CENPC: variants seen among roughly 807,000 people sequenced by gnomAD.
CENPC encodes CENP-C 1.
A neutral mutation model predicts 112.1 loss-of-function variants in CENPC; 63 were observed. The ratio of observed to expected loss-of-function variants is 0.56; its 90% CI spans 0.46 to 0.69. The LOEUF (loss-of-function observed/expected upper bound fraction) is 0.69, where lower values mean the gene tolerates loss of function less well. Ranked by LOEUF, CENPC falls within the 30% of genes least tolerant of loss-of-function variation. CENPC has a pLI of 0.00. For missense variants in CENPC, 1,000 were observed against 1,103.8 expected (o/e 0.91, Z 1.33); for synonymous variants, 333 against 367.6 (o/e 0.91, Z 1.08).
Position 67,514,486 on chromosome 4 carries a change from T to C in CENPC, c.1032A>G (p.Arg344=), listed in dbSNP as rs1668339522. ...PAESTALLQG[R]KSREKHHNIL... ...TATTATGATGCTTTTCTCTTGACTT[T>C]CTACCTTGAAGGAGTGCAGTGCTCT... Residue 344 remains arginine (R), a synonymous_variant, in exon 8 of 19, where the codon AGA becomes AGG. Transcript: ENST00000273853. 1.2e-6 allele frequency: 2 copies of C among 1,613,510 alleles called. No individual in the cohort carries two copies. Among genetic ancestry groups the C allele is most frequent in the African/African-American group, 1.3e-5 (1 of 74,934 alleles).
chr4:67,484,860 T>C (rs1725050984), intron 17 of CENPC, among the ~76,000 whole-genome samples: 1 of 152,072 alleles, frequency 6.6e-6, no homozygotes, highest in Non-Finnish European at 1.5e-5. Context: ...TTGGGAGGCC[T>C]AGGTGGGCGG....
chr4:67,474,232 T>A (rs938975718), intron 18 of CENPC, among the ~76,000 whole-genome samples: 1 of 151,942 alleles, frequency 6.6e-6, no homozygotes, highest in Non-Finnish European at 1.5e-5. Flanking sequence ...GCCCAGCTAA[T>A]TTTTTTGTAT....
chr4:67,490,862 ATATATATATAT>A lies in CENPC; in HGVS notation c.2516-752_2516-742del, dbSNP rs1560422764. On this transcript the variant is annotated intron_variant, in intron 16 of 18. Coordinates refer to ENST00000273853, the MANE Select transcript of CENPC (RefSeq NM_001812.4). ...AATATATATATATATATATATATAT[ATATATATATAT>A]ATATAGAAATATATAGAAATATATA... Among the ~76,000 whole-genome samples the A allele has an allele frequency of 6.9e-3, 485 of 70,376 alleles. 6 individuals are homozygous for A. Among genetic ancestry groups the A allele is most frequent in the African/African-American group, 0.019 (351 of 18,222 alleles). The allele number at this position is 70,376 out of a possible 152,430, so 46.2% of individuals were successfully genotyped here.
chr4:67,508,668 A>G, intron 10 of CENPC, 146 bp downstream of exon 10: 1 of 697,302 alleles, frequency 1.4e-6, no homozygotes, highest in Non-Finnish European at 2.3e-6. Flanking sequence ...CATCCAGCTA[A>G]TGGTAGAGGC....
chr4:67,529,084 T>C (rs1334101742), intron 5 of CENPC, among the ~76,000 whole-genome samples: 2 of 152,204 alleles, frequency 1.3e-5, no homozygotes, highest in Non-Finnish European at 2.9e-5. Context: ...TCAAGCATCC[T>C]TTCATATATT....
intron 16 of CENPC, among the ~76,000 whole-genome samples, chr4:67,490,419 C>G (rs1190168091): frequency 6.6e-6 from 1 of 152,082 alleles, no homozygotes; most frequent in African/African-American, 2.4e-5. Context: ...CTGTGAATAT[C>G]AACGAGTTAA....
chr4:67,495,125 C>G (rs1725393965), intron 13 of CENPC, 34 bp downstream of exon 13: 2 of 1,455,906 alleles, frequency 1.4e-6, no homozygotes, highest in South Asian at 1.4e-5. Flanking sequence ...GTATTTTTCT[C>G]AATGAAAATA....
chr4:67,490,844 A>G (rs1259447531), intron 16 of CENPC, among the ~76,000 whole-genome samples: 1 of 9,454 alleles, frequency 1.1e-4, no homozygotes, highest in Admixed American at 1.7e-3. Context: ...ATAAATATAT[A>G]TATATATATA....
intron 1 of CENPC, among the ~76,000 whole-genome samples, chr4:67,544,900 CAA>C (rs1215459873): frequency 6.6e-6 from 1 of 152,084 alleles, no homozygotes; most frequent in African/African-American, 2.4e-5. Flanking sequence ...AAGTGTGACG[CAA>C]AGACACACTT....
rs1397579977 is a variant in CENPC at position 67,469,891 on chromosome 4, C to T, written c.*2714G>A. 6.6e-6 allele frequency: 1 copy of T among 152,072 alleles called. No homozygotes were observed. Among genetic ancestry groups the T allele is most frequent in the Admixed American group, 6.5e-5 (1 of 15,274 alleles). The allele number at this position is 152,072 out of a possible 1,614,324, so 9.4% of individuals were successfully genotyped here. ...ATGCAGGGTACAGAAGTGGAAACTCCACTGAAAAAGAGCTCCAGAAATCTG... is the reference window on the plus strand; with the variant it reads ...ATGCAGGGTACAGAAGTGGAAACTCTACTGAAAAAGAGCTCCAGAAATCTG... On this transcript the variant is annotated 3_prime_UTR_variant, in exon 19 of 19. Transcript: ENST00000273853.
At chr4:67,526,269 GGC>G (rs1560439936) in intron 5 of CENPC, among the ~76,000 whole-genome samples, 1 of 151,836 alleles carries the variant, frequency 6.6e-6, no homozygotes, top group Non-Finnish European at 1.5e-5. Flanking sequence ...AAACCACTAT[GGC>G]ACAGGTGTAC....
intron 17 of CENPC, among the ~76,000 whole-genome samples, chr4:67,489,200 A>G (rs1314415677): frequency 1.7e-4 from 2 of 11,664 alleles, no homozygotes; most frequent in African/African-American, 3.0e-4. Flanking sequence ...TTATACATAC[A>G]CACACACACA....
rs1477775484 is a variant in CENPC at position 67,469,157 on chromosome 4, T to A, written c.*3448A>T. 1 of 152,112 alleles carries A rather than the reference T, an allele frequency of 6.6e-6. No homozygotes were observed. Among genetic ancestry groups the A allele is most frequent in the Non-Finnish European group, 1.5e-5 (1 of 68,026 alleles). 9.4% of individuals were successfully genotyped at this position (152,112 alleles called of 1,614,324 possible). A position where few individuals can be genotyped will look rare whatever the true frequency, so the allele number is the denominator to read the frequency against. On this transcript the variant is annotated 3_prime_UTR_variant, in exon 19 of 19. Coordinates refer to ENST00000273853, the MANE Select transcript of CENPC (RefSeq NM_001812.4). Reference sequence around the variant, plus strand: ...AAGACACATGCATCCATGTGGTAAGTAAATGGACAACAAACTGTGGAATCC... The same window carrying A: ...AAGACACATGCATCCATGTGGTAAGAAAATGGACAACAAACTGTGGAATCC...
chr4:67,484,800 A>G (rs567876464), intron 17 of CENPC, among the ~76,000 whole-genome samples: 27 of 152,352 alleles, frequency 1.8e-4, no homozygotes, highest in African/African-American at 6.5e-4. Context: ...TACACTATAA[A>G]GATTATCACC....
In CENPC at chr4:67,521,989, G is replaced by A. The variant is rs147612778; in HGVS notation, c.332-2487C>T. Among the ~76,000 whole-genome samples the A allele has an allele frequency of 3.3e-3, 507 of 152,268 alleles. 1 individual carries two copies. Among genetic ancestry groups the A allele is most frequent in the African/African-American group, 0.012 (485 of 41,550 alleles). ...GTTTCAGTTGTGAAAAATGAAAGAAGTTCTATGGATTCATGGTGGTGATAG... is the reference window on the plus strand; with the variant it reads ...GTTTCAGTTGTGAAAAATGAAAGAAATTCTATGGATTCATGGTGGTGATAG... On this transcript the variant is annotated intron_variant, in intron 5 of 18. Transcript: ENST00000273853.
chr4:67,515,471 G>GA (rs1172096790), intron 7 of CENPC, among the ~76,000 whole-genome samples: 81 of 140,456 alleles, frequency 5.8e-4, no homozygotes, highest in African/African-American at 9.7e-4. Flanking sequence ...ATCTCAGACA[G>GA]AAAAAAAAAA....
chr4:67,505,430 T>G, intron 11 of CENPC, 146 bp from the exon 12 acceptor site: 1 of 612,842 alleles, frequency 1.6e-6, no homozygotes, highest in South Asian at 2.1e-5. Flanking sequence ...CAAAAATATA[T>G]AGTCATCCCT....
chr4:67,492,754 T>C, intron 15 of CENPC, 115 bp downstream of exon 15: 2 of 1,338,072 alleles, frequency 1.5e-6, no homozygotes, highest in Non-Finnish European at 2.0e-6. Flanking sequence ...ATTTTACCTA[T>C]GGTATTATTT....
intron 14 of CENPC, 145 bp from the exon 15 acceptor site, chr4:67,493,142 A>G (rs1205416604): frequency 5.0e-6 from 3 of 594,162 alleles, no homozygotes; most frequent in Non-Finnish European, 8.3e-6. Flanking sequence ...ACAAATACCA[A>G]CCAATTTCAT....
Sources: gnomAD v4.1 joint callset for allele counts (sites outside exome capture counted in the v4.1 genomes callset) on GRCh38, gnomAD v4.1.1 for gene constraint, MANE v1.5 for transcripts, NCBI Gene and HGNC (gene_info 2026-07-23, HGNC 2026-07-21) for gene names.